The following ZNF436 variants were observed in gnomAD, a reference collection of about 807,000 sequenced individuals.
ZNF436 encodes DNA-binding protein.
In ZNF436, 22 loss-of-function variants were observed where a neutral mutation model predicts 41.9. The ratio of observed to expected loss-of-function variants is 0.53; its 90% CI spans 0.38 to 0.75. The LOEUF (loss-of-function observed/expected upper bound fraction) is 0.75. Ranked by LOEUF, ZNF436 falls within the 30% of genes least tolerant of loss-of-function variation. The probability of loss-of-function intolerance (pLI) is 0.00; values close to 1 mark genes in which losing one functional copy is unlikely to be tolerated. For missense variants in ZNF436, 506 were observed against 587.3 expected (o/e 0.86, Z 1.43); for synonymous variants, 217 against 197.8 (o/e 1.10, Z -0.82).
At position 23,369,700 on chromosome 1, in the gene ZNF436, T is replaced by C. The variant is rs1279739063; in HGVS notation, c.-395A>G. On this transcript the variant is annotated 5_prime_UTR_variant, in exon 1 of 4. Coordinates refer to ENST00000314011, the MANE Select transcript of ZNF436 (RefSeq NM_001077195.2). ...CTAAGCTGCATTCAGCTGGAGTTCC[T>C]CGGAACGGGAGGACTCGCAGCTCTC... 1 of 441,824 alleles carries C rather than the reference T, an allele frequency of 2.3e-6. No homozygotes were observed. The highest frequency in any genetic ancestry group is 4.8e-6 in the Non-Finnish European group (1 of 209,900). 27.4% of individuals were successfully genotyped at this position (441,824 alleles called of 1,614,324 possible).
intron 1 of ZNF436, chr1:23,369,158 A>T (rs1316489322): frequency 8.3e-6 from 3 of 361,320 alleles, no homozygotes; most frequent in Non-Finnish European, 1.7e-5. Context: ...GCGTGTAAGG[A>T]GGAGATAGCC....
In ZNF436 at chr1:23,363,724, G is replaced by A. The variant is rs116684971; in HGVS notation, c.161-503C>T. ...TCTGTCAAAATTCACATTCTGTATC[G>A]CTGTAATTAATGATTCATTAAGAAA... On this transcript the variant is annotated intron_variant, in intron 3 of 3. Coordinates refer to ENST00000314011, the MANE Select transcript of ZNF436 (RefSeq NM_001077195.2). 2.9e-3 allele frequency among the ~76,000 whole-genome samples: 448 copies of A among 152,208 alleles called. 3 individuals carry two copies. The highest frequency in any genetic ancestry group is 0.01 in the African/African-American group (431 of 41,518).
At chr1:23,367,257 T>C (rs1323176362) in intron 2 of ZNF436, 89 bp from the exon 3 acceptor site, 10 of 1,411,978 alleles carry the variant, frequency 7.1e-6, no homozygotes, top group Middle Eastern at 1.8e-4. Context: ...AGGAAAAATA[T>C]ATTAAATGTG....
At chr1:23,365,747 A>C (rs1016275570) in intron 3 of ZNF436, among the ~76,000 whole-genome samples, 1 of 151,680 alleles carries the variant, frequency 6.6e-6, no homozygotes, top group African/African-American at 2.4e-5. Context: ...TTAATTTAAA[A>C]TTTTTTAAAA....
intron 3 of ZNF436, among the ~76,000 whole-genome samples, chr1:23,364,823 C>T (rs905764057): frequency 5.3e-5 from 8 of 152,180 alleles, no homozygotes; most frequent in African/African-American, 1.9e-4. Flanking sequence ...TTAGTACACT[C>T]TTCAGAAAGA....
In ZNF436 at chr1:23,361,407, A is replaced by G. The variant is rs1477503449; in HGVS notation, c.*562T>C. The G allele has an allele frequency of 6.5e-6, 1 of 152,858 alleles. No homozygotes were observed. Among genetic ancestry groups the G allele is most frequent in the African/African-American group, 2.4e-5 (1 of 41,454 alleles). The allele number at this position is 152,858 out of a possible 1,614,324, so 9.5% of individuals were successfully genotyped here. On this transcript the variant is annotated 3_prime_UTR_variant, in exon 4 of 4. Transcript: ENST00000314011. ...AAACAATGAGAAGGAGAAAAGTTAC[A>G]ATCATTGCCTTCATCGTGCAAAATC...
intron 3 of ZNF436, among the ~76,000 whole-genome samples, chr1:23,365,226 T>TAA (rs35853590): frequency 5.8e-5 from 8 of 137,148 alleles, no homozygotes; most frequent in East Asian, 2.1e-4. Context: ...ACCCCATCTC[T>TAA]AAAAAAAAAA....
Position 23,361,946 on chromosome 1 carries a change from T to A in ZNF436, c.*23A>T. 6.5e-7 allele frequency: 1 copy of A among 1,550,176 alleles called. No homozygotes were observed. Among genetic ancestry groups the A allele is most frequent in the Non-Finnish European group, 8.7e-7 (1 of 1,150,222 alleles). ...AAAATTGTATCTTCAAATGAATCAT[T>A]TCTCAGCCATCATAATTACAGCTTA... On this transcript the variant is annotated 3_prime_UTR_variant, in exon 4 of 4. Coordinates refer to ENST00000314011, the MANE Select transcript of ZNF436 (RefSeq NM_001077195.2).
Position 23,365,081 on chromosome 1 carries a change from G to A in ZNF436, c.161-1860C>T, listed in dbSNP as rs139173792. Among the ~76,000 whole-genome samples, 599 of 151,988 alleles carry A rather than the reference G, an allele frequency of 3.9e-3. 7 individuals carry two copies. Among genetic ancestry groups the A allele is most frequent in the Non-Finnish European group, 5.8e-3 (391 of 67,946 alleles). On this transcript the variant is annotated intron_variant, in intron 3 of 3. Coordinates refer to ENST00000314011, the MANE Select transcript of ZNF436 (RefSeq NM_001077195.2). ...AGACCAGCCTGTGCAACATAGGGAG[G>A]TCTCACTTCTATTAAAAATAAAAAG...
In ZNF436 at chr1:23,369,638, CTGAGA is replaced by C. The variant is rs1229214265; in HGVS notation, c.-338_-334del. ...AAACCACAGGCTCATAGGCAGATCC[CTGAGA>C]CCACAGAGGCTGGCCGAGAAACCAC... On this transcript the variant is annotated 5_prime_UTR_variant, in exon 1 of 4. It introduces an in-frame stop codon into an upstream open reading frame of the 5' UTR. Coordinates refer to ENST00000314011, the MANE Select transcript of ZNF436 (RefSeq NM_001077195.2). 2.0e-6 allele frequency: 1 copy of C among 505,962 alleles called. No individual in the cohort carries two copies. The allele number at this position is 505,962 out of a possible 1,614,324, so 31.3% of individuals were successfully genotyped here.
chr1:23,367,943 A>G (rs754507130), intron 2 of ZNF436, 30 bp downstream of exon 2: 1 of 1,613,476 alleles, frequency 6.2e-7, no homozygotes, highest in East Asian at 2.2e-5. Context: ...GTAAGCAGAG[A>G]CAAGGTCTGA....
At position 23,362,740 on chromosome 1, in the gene ZNF436, T is replaced by C. The variant is rs1169832911; in HGVS notation, c.642A>G (p.Thr214=). The C allele has an allele frequency of 1.9e-6, 3 of 1,614,076 alleles. No individual in the cohort carries two copies. The highest frequency in any genetic ancestry group is 1.7e-5 in the Admixed American group (1 of 59,998). The change falls in exon 4 of 4, where the codon ACA becomes ACG. Residue 214 remains threonine, a synonymous_variant. Transcript: ENST00000314011. ...GRSSHLIQHQ[T]IHTGEKPHKC... ...TGTGAGGCTTCTCTCCAGTGTGGAT[T>C]GTCTGATGCTGAATCAGGTGAGAAC...
chr1:23,368,266 G>GCCCCCTGGCTGGGTC, intron 1 of ZNF436: 1 of 502,166 alleles, frequency 2.0e-6, no homozygotes, highest in Non-Finnish European at 3.6e-6. Context: ...TACTAGGACA[G>GCCCCCTGGCTGGGTC]CCCCCTGGCT....
chr1:23,369,224 C>T lies in ZNF436; in HGVS notation c.-61+142G>A, dbSNP rs961771625. ...AGCGTCCCAGAGGGCTTGTCTGCTA[C>T]AGGGGCTCCCAGCGGCCTCCCGCAC... On this transcript the variant is annotated intron_variant, in intron 1 of 3. Transcript: ENST00000314011. 3.0e-5 allele frequency: 13 copies of T among 432,128 alleles called. No individual in the cohort carries two copies. The East Asian group carries it at 4.7e-4, about 15-fold the overall frequency. The allele number at this position is 432,128 out of a possible 1,614,324, so 26.8% of individuals were successfully genotyped here. A position where few individuals can be genotyped will look rare whatever the true frequency, so the allele number is the denominator to read the frequency against.
chr1:23,364,060 A>G (rs1638305882), intron 3 of ZNF436, among the ~76,000 whole-genome samples: 1 of 152,094 alleles, frequency 6.6e-6, no homozygotes, highest in Admixed American at 6.6e-5. Context: ...AAAACTATAT[A>G]TATTCGTGTT....
chr1:23,366,101 T>C (rs557705416), intron 3 of ZNF436, among the ~76,000 whole-genome samples: 2 of 152,222 alleles, frequency 1.3e-5, no homozygotes, highest in South Asian at 4.1e-4. Context: ...TTGGATTCAG[T>C]GGAATATTTG....
Position 23,363,019 on chromosome 1 carries a change from T to C in ZNF436, c.363A>G (p.Pro121=), listed in dbSNP as rs1324240788. 8 of 1,614,212 alleles carry C rather than the reference T, an allele frequency of 5.0e-6. No individual in the cohort carries two copies. The highest frequency in any genetic ancestry group is 5.9e-6 in the Non-Finnish European group (7 of 1,180,036). ...CTTTGTGGACAAGTAGATCAGTGAC[T>C]GGTTGGAGAGGATAGCTTACCCACT... ...AEEWVSYPLQ[P]VTDLLVHKEV... is the part of the protein sequence containing the mutation. Residue 121 remains proline (P), a synonymous_variant, in exon 4 of 4, where the codon CCA becomes CCG. Coordinates refer to ENST00000314011, the MANE Select transcript of ZNF436 (RefSeq NM_001077195.2).
rs1030596157 is a variant in ZNF436 at position 23,368,041 on chromosome 1, C to G, written c.-36G>C. On this transcript the variant is annotated 5_prime_UTR_variant, in exon 2 of 4. Transcript: ENST00000314011. ...AGGGTTCGCCTCCAGGGAGAGAGAG[C>G]AGGAAAAGCAGCTAGCAGACAGCGC... The G allele has an allele frequency of 8.1e-6, 13 of 1,613,358 alleles. No homozygotes were observed. The highest frequency in any genetic ancestry group is 1.1e-5 in the Non-Finnish European group (13 of 1,179,544).
At chr1:23,369,316 C>T (rs1638444552) in intron 1 of ZNF436, 50 bp downstream of exon 1, 1 of 524,158 alleles carries the variant, frequency 1.9e-6, no homozygotes, top group South Asian at 1.4e-5. Context: ...AGTCCCTGTC[C>T]GGTTGAAGGT....
Sources: gnomAD v4.1 joint callset for allele counts (sites outside exome capture counted in the v4.1 genomes callset) on GRCh38, gnomAD v4.1.1 for gene constraint, MANE v1.5 for transcripts, NCBI Gene and HGNC (gene_info 2026-07-23, HGNC 2026-07-21) for gene names.